Variants in PFDN1 observed in about 807,000 individuals in gnomAD.
PFDN1 encodes prefoldin subunit 1.
In PFDN1, 6 loss-of-function variants were observed where a neutral mutation model predicts 17.3. That is an observed-to-expected ratio of 0.35 (90% CI 0.19 to 0.69). PFDN1 has a LOEUF of 0.69. PFDN1 is among the 30% of genes least tolerant of loss of function. The pLI, the probability that PFDN1 is intolerant of heterozygous loss-of-function variation, is 0.65. For synonymous variants in PFDN1, 58 were observed against 50.1 expected, an observed-to-expected ratio of 1.16 and a Z score of -0.67; for missense variants, 113 against 146.2, an observed-to-expected ratio of 0.77 and a Z score of 1.17.
chr5:140,272,206 G>A (rs1284699380), intron 3 of PFDN1, among the ~76,000 whole-genome samples: 1 of 151,914 alleles, frequency 6.6e-6, no homozygotes, highest in East Asian at 1.9e-4. Flanking sequence ...TTTTAGTAGA[G>A]ACAGGATTTC....
chr5:140,257,972 G>A (rs1029576054), intron 3 of PFDN1, among the ~76,000 whole-genome samples: 2 of 152,166 alleles, frequency 1.3e-5, no homozygotes, highest in African/African-American at 2.4e-5. Flanking sequence ...AGGTGAGAGT[G>A]GGGAGAGAGT....
chr5:140,286,272 T>C (rs1765487036), intron 2 of PFDN1, among the ~76,000 whole-genome samples: 1 of 150,410 alleles, frequency 6.6e-6, no homozygotes, highest in Non-Finnish European at 1.5e-5. Context: ...AATTAGCCGG[T>C]GTGGTGGCGG....
At chr5:140,298,233 T>C (rs1408368690) in intron 2 of PFDN1, among the ~76,000 whole-genome samples, 1 of 152,124 alleles carries the variant, frequency 6.6e-6, no homozygotes, top group East Asian at 1.9e-4. Flanking sequence ...TTCTGAACCA[T>C]AAAGATATGG....
intron 3 of PFDN1, 66 bp from the exon 4 acceptor site, chr5:140,246,123 T>C: frequency 1.1e-6 from 1 of 939,772 alleles, no homozygotes; most frequent in East Asian, 2.6e-5. Flanking sequence ...AGACACAGCT[T>C]TGATGTCCAA....
chr5:140,290,230 C>T (rs1366996477), intron 2 of PFDN1, among the ~76,000 whole-genome samples: 2 of 152,076 alleles, frequency 1.3e-5, no homozygotes, highest in Non-Finnish European at 2.9e-5. Context: ...AGTTGCATCC[C>T]CCAAGATTTA....
chr5:140,275,838 A>G (rs1189843600), intron 3 of PFDN1, among the ~76,000 whole-genome samples: 1 of 152,096 alleles, frequency 6.6e-6, no homozygotes, highest in Non-Finnish European at 1.5e-5. Context: ...CGGTGGGCCA[A>G]ATCAGTAAAA....
intron 3 of PFDN1, among the ~76,000 whole-genome samples, chr5:140,270,209 A>ATCATTCTCTAGGCAGCC (rs1765185947): frequency 1.3e-5 from 2 of 152,220 alleles, no homozygotes; most frequent in African/African-American, 4.8e-5. Flanking sequence ...ATTAAAAGAA[A>ATCATTCTCTAGGCAGCC]TCATTCTCTA....
chr5:140,285,015 A>G (rs140681954), intron 2 of PFDN1, among the ~76,000 whole-genome samples: 16 of 152,222 alleles, frequency 1.1e-4, no homozygotes, highest in African/African-American at 3.9e-4. Context: ...AATCAAAACC[A>G]TTGTTCACCT....
chr5:140,288,595 T>C (rs1388490868), intron 2 of PFDN1, among the ~76,000 whole-genome samples: 1 of 152,222 alleles, frequency 6.6e-6, no homozygotes, highest in African/African-American at 2.4e-5. Context: ...CAGATGTTAA[T>C]AAGAGAAGAA....
chr5:140,273,035 C>G (rs1765232380), intron 3 of PFDN1, among the ~76,000 whole-genome samples: 1 of 151,906 alleles, frequency 6.6e-6, no homozygotes, highest in Non-Finnish European at 1.5e-5. Context: ...CATTGAAAAA[C>G]AGAGGTAAGA....
At chr5:140,248,446 G>T (rs959384002) in intron 3 of PFDN1, among the ~76,000 whole-genome samples, 5 of 152,152 alleles carry the variant, frequency 3.3e-5, no homozygotes, top group Non-Finnish European at 7.3e-5. Context: ...ACTAAAGAAT[G>T]TATGTCCACT....
At chr5:140,253,455 GCTGCTCGGTCCCC>G (rs1014449209) in intron 3 of PFDN1, among the ~76,000 whole-genome samples, 1 of 152,178 alleles carries the variant, frequency 6.6e-6, no homozygotes, top group African/African-American at 2.4e-5. Context: ...ACAGTGTTTA[GCTGCTCGGTCCCC>G]CTGAGGTTTA....
At chr5:140,248,963 T>G (rs1300876844) in intron 3 of PFDN1, among the ~76,000 whole-genome samples, 1 of 152,258 alleles carries the variant, frequency 6.6e-6, no homozygotes, top group African/African-American at 2.4e-5. Flanking sequence ...GCCTTCATCT[T>G]TAAATTTTTA....
At chr5:140,248,486 G>A (rs964967869) in intron 3 of PFDN1, among the ~76,000 whole-genome samples, 19 of 152,274 alleles carry the variant, frequency 1.2e-4, no homozygotes, top group African/African-American at 4.3e-4. Flanking sequence ...GCAATAGCTC[G>A]GTGCCATACA....
intron 3 of PFDN1, among the ~76,000 whole-genome samples, chr5:140,256,658 C>CAAAAAAAAAAAAAAAAAAAAA (rs757723797): frequency 7.5e-5 from 3 of 39,892 alleles, no homozygotes; most frequent in Non-Finnish European, 1.0e-4. Flanking sequence ...CAAAAAATGA[C>CAAAAAAAAAAAAAAAAAAAAA]AAAAAAAAAA....
chr5:140,251,903 T>C (rs1469736256), intron 3 of PFDN1, among the ~76,000 whole-genome samples: 1 of 152,236 alleles, frequency 6.6e-6, no homozygotes, highest in Non-Finnish European at 1.5e-5. Flanking sequence ...AATAGACTCC[T>C]GAGGTAATAC....
chr5:140,276,749 C>T (rs1264302490), intron 3 of PFDN1, among the ~76,000 whole-genome samples: 1 of 129,996 alleles, frequency 7.7e-6, no homozygotes, highest in Non-Finnish European at 1.6e-5. Context: ...CCACTGCACT[C>T]CAACCTGGGT....
rs1765774137 is a variant in PFDN1, at chr5:140,303,095, G to A, written c.-22C>T. On this transcript the variant is annotated 5_prime_UTR_variant, in exon 1 of 4. Transcript: ENST00000261813. ...CCATCTTGGTGCACTGTAAGCGCCT[G>A]CGCAGTGGGAGTTGGACTGAAATAG... 1 of 1,606,126 alleles carries A rather than the reference G, an allele frequency of 6.2e-7. No homozygotes were observed. Among genetic ancestry groups the A allele is most frequent in the African/African-American group, 1.3e-5 (1 of 74,814 alleles).
At chr5:140,257,855 A>G (rs183803344) in intron 3 of PFDN1, among the ~76,000 whole-genome samples, 33 of 152,366 alleles carry the variant, frequency 2.2e-4, no homozygotes, top group African/African-American at 7.7e-4. Context: ...AAGGGATCTG[A>G]GGGAAACCAT....
Sources: gnomAD v4.1 joint callset for allele counts (sites outside exome capture counted in the v4.1 genomes callset) on GRCh38, gnomAD v4.1.1 for gene constraint, MANE v1.5 for transcripts, NCBI Gene and HGNC (gene_info 2026-07-23, HGNC 2026-07-21) for gene names.